The following CPVL variants were observed in gnomAD, a reference collection of about 807,000 sequenced individuals.
The protein encoded by CPVL is carboxypeptidase vitellogenic like, also known as probable serine carboxypeptidase CPVL.
CPVL carries 51 observed loss-of-function variants against 63.7 expected under a neutral mutation model. The ratio of observed to expected loss-of-function variants is 0.80; its 90% confidence interval spans 0.64 to 1.01. The LOEUF is 1.01. Among genes scored for constraint, CPVL ranks in the 50% least tolerant of loss-of-function variants. CPVL has a pLI of 0.00. For synonymous variants in CPVL, 195 were observed against 206.0 expected (o/e 0.95, Z 0.46); for missense variants, 530 against 573.1 (o/e 0.92, Z 0.77).
chr7:29,017,172 C>T (rs191150632), intron 12 of CPVL, among the ~76,000 whole-genome samples: 301 of 152,308 alleles, frequency 2.0e-3, no homozygotes, highest in African/African-American at 6.7e-3. Flanking sequence ...CTGCCCTGTG[C>T]CCTGCCCCAT....
intron 3 of CPVL, among the ~76,000 whole-genome samples, chr7:29,110,998 G>T (rs947245959): frequency 6.6e-6 from 1 of 152,256 alleles, no homozygotes; most frequent in African/African-American, 2.4e-5. Context: ...CAAGAAAAGA[G>T]ATTCTCCCTT....
At chr7:29,164,982 G>A (rs1050469564) in intron 5 of CPVL, among the ~76,000 whole-genome samples, 21 of 151,986 alleles carry the variant, frequency 1.4e-4, no homozygotes, top group Non-Finnish European at 2.6e-4. Context: ...AAACTCAAGT[G>A]TATAGTGTGA....
In CPVL at chr7:29,086,515, T is replaced by C. The variant is rs1785218221; in HGVS notation, c.578A>G (p.Tyr193Cys). 2 of 1,612,520 alleles carry C rather than the reference T, an allele frequency of 1.2e-6. No individual in the cohort carries two copies. The highest frequency in any genetic ancestry group is 1.3e-5 in the African/African-American group (1 of 75,008). ...AGTGACATAAAAGTCATTATTTTTA[T>C]ATTCAGGAAATATCTGGAAAAACTG... ...LIQFFQIFPE[Y>C]KNNDFYVTGE... Residue 193 changes from tyrosine (Y) to cysteine (C), a missense_variant, in exon 7 of 13, where the codon TAT (tyrosine) becomes TGT (cysteine). Coordinates refer to ENST00000265394, the MANE Select transcript of CPVL (RefSeq NM_031311.5).
At chr7:29,020,350 C>CCTTAATG (rs1786839074) in intron 12 of CPVL, among the ~76,000 whole-genome samples, 1 of 152,104 alleles carries the variant, frequency 6.6e-6, no homozygotes, top group South Asian at 2.1e-4. Context: ...TCAAATATGC[C>CCTTAATG]CTTAATGGCC....
chr7:29,166,187 C>T (rs939019797), intron 5 of CPVL, among the ~76,000 whole-genome samples: 1 of 152,082 alleles, frequency 6.6e-6, no homozygotes, highest in Non-Finnish European at 1.5e-5. Flanking sequence ...TGTGCCACCA[C>T]ATCCAGTTTT....
chr7:29,099,994 A>T (rs1371143693), intron 3 of CPVL, among the ~76,000 whole-genome samples: 1 of 152,182 alleles, frequency 6.6e-6, no homozygotes, highest in Non-Finnish European at 1.5e-5. Context: ...GCTCTGCCCC[A>T]ACCTGCCTGT....
chr7:29,091,522 G>A (rs1785790689), intron 6 of CPVL, among the ~76,000 whole-genome samples: 1 of 151,864 alleles, frequency 6.6e-6, no homozygotes, highest in South Asian at 2.1e-4. Context: ...TTACGTCTGT[G>A]GAGGGAAGGG....
rs969148809 is a variant in CPVL at position 28,995,626 on chromosome 7, C to T, written c.*146G>A. Reference sequence around the variant, plus strand: ...AAACATCTCCCCCCAAAAACAAAAGCTCACTTGTTTCAAGGATAATTTTTA... The same window carrying T: ...AAACATCTCCCCCCAAAAACAAAAGTTCACTTGTTTCAAGGATAATTTTTA... On this transcript the variant is annotated 3_prime_UTR_variant, in exon 13 of 13. Coordinates refer to ENST00000265394, the MANE Select transcript of CPVL (RefSeq NM_031311.5). 1.6e-6 allele frequency: 1 copy of T among 622,792 alleles called. No homozygotes were observed. Among genetic ancestry groups the T allele is most frequent in the Non-Finnish European group, 2.8e-6 (1 of 359,298 alleles). 38.6% of individuals were successfully genotyped at this position (622,792 alleles called of 1,614,324 possible).
chr7:29,043,859 G>A (rs1190065298), intron 11 of CPVL, among the ~76,000 whole-genome samples: 2 of 152,154 alleles, frequency 1.3e-5, no homozygotes, highest in South Asian at 2.1e-4. Context: ...TGACAACGTG[G>A]CTTTCTCTTT....
At chr7:29,074,840 T>A (rs1477849498) in intron 7 of CPVL, among the ~76,000 whole-genome samples, 3 of 150,632 alleles carry the variant, frequency 2.0e-5, no homozygotes, top group Non-Finnish European at 3.0e-5. Context: ...AAACTTGCCC[T>A]CATAAAGGTC....
At chr7:29,071,142 T>C (rs1022293855) in intron 9 of CPVL, among the ~76,000 whole-genome samples, 1 of 152,108 alleles carries the variant, frequency 6.6e-6, no homozygotes, top group Non-Finnish European at 1.5e-5. Flanking sequence ...ACTTCCTGTA[T>C]CCTAATATTT....
intron 12 of CPVL, among the ~76,000 whole-genome samples, chr7:29,000,795 T>C (rs1488479062): frequency 1.3e-5 from 2 of 152,126 alleles, no homozygotes; most frequent in Non-Finnish European, 2.9e-5. Flanking sequence ...TTGCAGAATA[T>C]TTTCACCACC....
intron 11 of CPVL, among the ~76,000 whole-genome samples, chr7:29,052,174 A>G (rs1306541796): frequency 6.6e-6 from 1 of 151,854 alleles, no homozygotes; most frequent in African/African-American, 2.4e-5. Flanking sequence ...ATAAAATACT[A>G]CAAACAGGGT....
intron 11 of CPVL, among the ~76,000 whole-genome samples, chr7:29,055,537 C>T (rs1343784885): frequency 6.6e-6 from 1 of 152,178 alleles, no homozygotes; most frequent in Non-Finnish European, 1.5e-5. Context: ...AGGCATGAGC[C>T]ACCGTGCCCG....
chr7:29,148,111 G>T (rs1014915091), upstream of CPVL, among the ~76,000 whole-genome samples: 1 of 152,202 alleles, frequency 6.6e-6, no homozygotes, highest in Non-Finnish European at 1.5e-5. Context: ...TGGGAGTACA[G>T]ACATTAGCAG....
chr7:29,015,243 G>A (rs536601253), intron 12 of CPVL, among the ~76,000 whole-genome samples: 1 of 152,224 alleles, frequency 6.6e-6, no homozygotes, highest in African/African-American at 2.4e-5. Context: ...CAAATATTCT[G>A]TCCACCACCA....
intron 5 of CPVL, among the ~76,000 whole-genome samples, chr7:29,176,169 G>T (rs1312306356): frequency 6.6e-6 from 1 of 150,376 alleles, no homozygotes; most frequent in East Asian, 2.0e-4. Flanking sequence ...CTAGGCGACA[G>T]AGCAAGACTC....
chr7:29,062,403 C>T (rs937454885), intron 11 of CPVL, among the ~76,000 whole-genome samples: 1 of 152,152 alleles, frequency 6.6e-6, no homozygotes, highest in African/African-American at 2.4e-5. Context: ...CCCAAGAAAA[C>T]CAAACACAAG....
chr7:29,148,703 T>C (rs1793123053), upstream of CPVL: 1 of 152,240 alleles, frequency 6.6e-6, no homozygotes, highest in Admixed American at 6.5e-5. Flanking sequence ...TGTCAGGTTC[T>C]GTGCTAGACA....
Sources: allele counts gnomAD v4.1 joint callset (sites outside exome capture counted in the v4.1 genomes callset), GRCh38; gene constraint gnomAD v4.1.1; transcripts MANE v1.5; gene names NCBI Gene and HGNC (gene_info 2026-07-23, HGNC 2026-07-21).